The following FOXN3 variants were observed in gnomAD, a reference collection of about 807,000 sequenced individuals.
FOXN3 encodes forkhead box protein N3.
Under a neutral mutation model 38.4 loss-of-function variants are expected in FOXN3, and 7 were observed. That is an observed-to-expected ratio of 0.18 (90% CI 0.10 to 0.34). The LOEUF (loss-of-function observed/expected upper bound fraction) is 0.34. Among genes scored for constraint, FOXN3 ranks in the 10% least tolerant of loss-of-function variants. The pLI is 1.00. For synonymous variants in FOXN3, 230 were observed against 242.2 expected (o/e 0.95, Z 0.47); for missense variants, 456 against 613.4 (o/e 0.74, Z 2.71).
At chr14:89,360,720 T>TCCACCACCACCACCTCCAGCACCA (rs1889463230) in intron 2 of FOXN3, among the ~76,000 whole-genome samples, 1 of 120,360 alleles carries the variant, frequency 8.3e-6, no homozygotes, top group Non-Finnish European at 1.7e-5. Context: ...CAGCACTACC[T>TCCACCACCACCACCTCCAGCACCA]CCACCACCAC....
At chr14:89,476,411 C>A (rs1893210210) in intron 1 of FOXN3, among the ~76,000 whole-genome samples, 1 of 152,210 alleles carries the variant, frequency 6.6e-6, no homozygotes, top group Non-Finnish European at 1.5e-5. Flanking sequence ...CTCCTCTGAA[C>A]CAAATTCTGC....
intron 1 of FOXN3, among the ~76,000 whole-genome samples, chr14:89,452,805 T>TA (rs918284064): frequency 6.6e-6 from 1 of 152,156 alleles, no homozygotes; most frequent in African/African-American, 2.4e-5. Flanking sequence ...CCTGAACATA[T>TA]AAACCAGAAA....
intron 5 of FOXN3, among the ~76,000 whole-genome samples, chr14:89,175,149 T>G (rs1887488661): frequency 6.6e-6 from 1 of 152,242 alleles, no homozygotes; most frequent in Non-Finnish European, 1.5e-5. Context: ...CCTTAAGAAT[T>G]AATGTTTGCT....
chr14:89,198,186 T>C (rs575599340), intron 4 of FOXN3, among the ~76,000 whole-genome samples: 3 of 152,320 alleles, frequency 2.0e-5, no homozygotes, highest in African/African-American at 4.8e-5. Flanking sequence ...GTACTGAACA[T>C]GTTCAGGCTT....
chr14:89,557,816 G>A (rs1280050630), intron 1 of FOXN3, among the ~76,000 whole-genome samples: 1 of 152,098 alleles, frequency 6.6e-6, no homozygotes, highest in African/African-American at 2.4e-5. Context: ...GAGCAGCCTG[G>A]CCAACATGGC....
chr14:89,450,741 A>T (rs1892598867), intron 1 of FOXN3, among the ~76,000 whole-genome samples: 1 of 152,042 alleles, frequency 6.6e-6, no homozygotes. Flanking sequence ...GCCCACAACC[A>T]CACCTGGCTA....
intron 2 of FOXN3, among the ~76,000 whole-genome samples, chr14:89,367,069 G>A (rs936978256): frequency 2.6e-5 from 4 of 152,144 alleles, no homozygotes; most frequent in Admixed American, 1.3e-4. Context: ...ATAATCATGA[G>A]CCCTTCTCTC....
intron 1 of FOXN3, among the ~76,000 whole-genome samples, chr14:89,594,295 C>T (rs1896013892): frequency 6.6e-6 from 1 of 152,174 alleles, no homozygotes; most frequent in African/African-American, 2.4e-5. Context: ...GATTAGTTTT[C>T]CAAAGTGGTT....
intron 2 of FOXN3, among the ~76,000 whole-genome samples, chr14:89,356,109 T>C (rs925306083): frequency 1.1e-4 from 17 of 151,598 alleles, no homozygotes; most frequent in African/African-American, 4.1e-4. Context: ...ACTTTAAAAT[T>C]AAGACAGGCC....
intron 1 of FOXN3, among the ~76,000 whole-genome samples, chr14:89,567,725 T>G: frequency 6.7e-6 from 1 of 149,992 alleles, no homozygotes; most frequent in Non-Finnish European, 1.5e-5. Flanking sequence ...TCGTTGATTT[T>G]TTTTTTTTTT....
chr14:89,564,576 A>G (rs1278160304), intron 1 of FOXN3, among the ~76,000 whole-genome samples: 1 of 152,194 alleles, frequency 6.6e-6, no homozygotes, highest in African/African-American at 2.4e-5. Context: ...GGTGGTAATG[A>G]TTCACCGCAG....
intron 1 of FOXN3, among the ~76,000 whole-genome samples, chr14:89,506,707 T>C (rs1211855493): frequency 6.6e-6 from 1 of 152,180 alleles, no homozygotes; most frequent in African/African-American, 2.4e-5. Flanking sequence ...GGGAAAAGAT[T>C]GAGAAATCGG....
chr14:89,324,429 C>CGTG (rs1887981609), intron 3 of FOXN3, among the ~76,000 whole-genome samples: 1 of 144,528 alleles, frequency 6.9e-6, no homozygotes, highest in Non-Finnish European at 1.5e-5. Context: ...TGGTTTGAAA[C>CGTG]AGCTAAGTGT....
At chr14:89,180,961 C>CAG (rs1488394441) in intron 4 of FOXN3, among the ~76,000 whole-genome samples, 155 bp from the exon 5 acceptor site, 1 of 150,330 alleles carries the variant, frequency 6.7e-6, no homozygotes, top group African/African-American at 2.4e-5. Context: ...CATACACACA[C>CAG]ACACACACAG....
In FOXN3 at chr14:89,442,436, A is replaced by T. The variant is rs970087989; in HGVS notation, c.-14-29946T>A. Among the ~76,000 whole-genome samples the T allele has an allele frequency of 5.3e-5, 8 of 152,322 alleles. No individual in the cohort carries two copies. The East Asian group carries it at 1.5e-3, about 29-fold the overall frequency. ...CTGCTCTCTCGGCTGAAGACAGTGCATGGCAGTGAATGTCACATGCTGAGG... is the reference window on the plus strand; with the variant it reads ...CTGCTCTCTCGGCTGAAGACAGTGCTTGGCAGTGAATGTCACATGCTGAGG... On this transcript the variant is annotated intron_variant, in intron 1 of 6. Coordinates refer to the FOXN3 transcript ENST00000345097.
intron 1 of FOXN3, among the ~76,000 whole-genome samples, chr14:89,605,160 G>A (rs1896244083): frequency 6.6e-6 from 1 of 151,840 alleles, no homozygotes; most frequent in Non-Finnish European, 1.5e-5. Flanking sequence ...TGTAATCTGT[G>A]AGATTAAAAA....
intron 3 of FOXN3, among the ~76,000 whole-genome samples, chr14:89,314,506 T>C (rs938682741): frequency 6.6e-5 from 10 of 152,226 alleles, no homozygotes; most frequent in Non-Finnish European, 1.5e-5. Context: ...TCTGTGACCA[T>C]TAAAATGTCT....
chr14:89,557,540 G>A (rs1029387386), intron 1 of FOXN3, among the ~76,000 whole-genome samples: 3 of 152,182 alleles, frequency 2.0e-5, no homozygotes, highest in Admixed American at 6.5e-5. Context: ...CCCATATCCT[G>A]GACTACGGCT....
At chr14:89,616,242 T>G (rs1412703324) in intron 1 of FOXN3, among the ~76,000 whole-genome samples, 1 of 152,118 alleles carries the variant, frequency 6.6e-6, no homozygotes, top group African/African-American at 2.4e-5. Context: ...CTCCAAACTT[T>G]TTTCTTTATA....
Sources: allele counts gnomAD v4.1 joint callset (sites outside exome capture counted in the v4.1 genomes callset), GRCh38; gene constraint gnomAD v4.1.1; transcripts MANE v1.5; gene names NCBI Gene and HGNC (gene_info 2026-07-23, HGNC 2026-07-21).